CPS1: variants seen among roughly 807,000 people sequenced by gnomAD.
The protein encoded by CPS1 is carbamoyl-phosphate synthase [ammonia], mitochondrial.
A neutral mutation model predicts 174.6 loss-of-function variants in CPS1; 109 were observed. The ratio of observed to expected loss-of-function variants is 0.62; its 90% CI spans 0.53 to 0.73. CPS1 has a LOEUF of 0.73. Ranked by LOEUF, CPS1 falls within the 30% of genes least tolerant of loss-of-function variation. The pLI is 0.00. For missense variants in CPS1, 1,689 were observed against 1,821.9 expected, an observed-to-expected ratio of 0.93 and a Z score of 1.33; for synonymous variants, 637 against 632.0, an observed-to-expected ratio of 1.01 and a Z score of -0.12.
intron 1 of CPS1, among the ~76,000 whole-genome samples, chr2:210,547,090 C>T (rs1696583487): frequency 6.6e-6 from 1 of 152,024 alleles, no homozygotes; most frequent in Non-Finnish European, 1.5e-5. Context: ...ACTAGCGCTG[C>T]CCCACACCAT....
chr2:210,609,957 A>G (rs1363637508), intron 19 of CPS1, among the ~76,000 whole-genome samples: 1 of 152,012 alleles, frequency 6.6e-6, no homozygotes, highest in East Asian at 1.9e-4. Flanking sequence ...GTAAGATACT[A>G]ATGAAAGATT....
intron 21 of CPS1, among the ~76,000 whole-genome samples, chr2:210,634,969 G>GT (rs2105892297): frequency 6.6e-6 from 1 of 152,066 alleles, no homozygotes; most frequent in Admixed American, 6.5e-5. Flanking sequence ...CTTTTTTGAG[G>GT]TGGAGTCTCC....
Position 210,526,986 on chromosome 2 carries a change from G to A in CPS1, c.4-29733G>A, listed in dbSNP as rs112826830. On this transcript the variant is annotated intron_variant, in intron 1 of 38. Transcript: ENST00000430249. Reference sequence around the variant, plus strand: ...AGATTTGCAGAAATATTACGTTGGTGCAAAAATAATTGTTTTTGGCATTAA... The same window carrying A: ...AGATTTGCAGAAATATTACGTTGGTACAAAAATAATTGTTTTTGGCATTAA... 7.8e-3 allele frequency among the ~76,000 whole-genome samples: 1,191 copies of A among 151,942 alleles called. 8 individuals carry two copies. The highest frequency in any genetic ancestry group is 0.013 in the Non-Finnish European group (855 of 67,912).
intron 28 of CPS1, 150 bp from the exon 29 acceptor site, chr2:210,653,875 A>T (rs561086554): frequency 5.8e-6 from 4 of 692,432 alleles, no homozygotes; most frequent in Non-Finnish European, 1.1e-5. Flanking sequence ...TACAGCACAG[A>T]TTAGGTAATG....
chr2:210,495,763 A>G (rs1559735298), intron 1 of CPS1, among the ~76,000 whole-genome samples: 1 of 152,210 alleles, frequency 6.6e-6, no homozygotes. Context: ...AAAAGTACTC[A>G]GTAGGCAACT....
chr2:210,652,423 G>T (rs752653729), intron 28 of CPS1, among the ~76,000 whole-genome samples: 1 of 152,182 alleles, frequency 6.6e-6, no homozygotes, highest in Non-Finnish European at 1.5e-5. Context: ...ATAGCTCAGG[G>T]TAGAGATGAC....
At chr2:210,639,010 C>T in intron 22 of CPS1, 140 bp from the exon 23 acceptor site, 1 of 672,300 alleles carries the variant, frequency 1.5e-6, no homozygotes, top group South Asian at 1.8e-5. Flanking sequence ...AAAGCAATTC[C>T]ACGGGTCATA....
In CPS1 at chr2:210,590,189, G is replaced by A. The variant is rs1174421173; in HGVS notation, c.795G>A (p.Pro265=). 27 of 1,612,712 alleles carry A rather than the reference G, an allele frequency of 1.7e-5. No homozygotes were observed. The highest frequency in any genetic ancestry group is 2.2e-5 in the South Asian group (2 of 91,056). ...EYDGILIAGG[P]GNPALAEPLI... ...ATGGGATTTTGATCGCGGGAGGACC[G>A]GGGAACCCAGCTCTTGCAGAACCAC... is the stretch of plus-strand genomic sequence containing the variant. Residue 265 remains proline, a synonymous_variant, in exon 8 of 38, where the codon CCG becomes CCA. Coordinates refer to ENST00000233072, the MANE Select transcript of CPS1 (RefSeq NM_001875.5).
In CPS1 at chr2:210,658,192, A is replaced by G. The variant is rs1010178708; in HGVS notation, c.3667-407A>G. The G allele has an allele frequency of 1.9e-4, 50 of 265,140 alleles. No homozygotes were observed. The Admixed American group carries it at 2.0e-3, about 11-fold the overall frequency. 16.4% of individuals were successfully genotyped at this position (265,140 alleles called of 1,614,324 possible). A position where few individuals can be genotyped will look rare whatever the true frequency, so the allele number is the denominator to read the frequency against. ...AAAGAAATCTCTCTGGTTTCTTTGC[A>G]GTACCATGTAATTTCAGGGCCTGTA... On this transcript the variant is annotated intron_variant, in intron 30 of 37. Coordinates refer to ENST00000233072, the MANE Select transcript of CPS1 (RefSeq NM_001875.5).
intron 21 of CPS1, among the ~76,000 whole-genome samples, chr2:210,623,649 A>G (rs1699609207): frequency 6.6e-6 from 1 of 152,116 alleles, no homozygotes; most frequent in Admixed American, 6.6e-5. Flanking sequence ...AACCCTGGTG[A>G]GTTCCACTTG....
At chr2:210,630,707 ATAC>A (rs1230456656) in intron 21 of CPS1, among the ~76,000 whole-genome samples, 3 of 152,186 alleles carry the variant, frequency 2.0e-5, no homozygotes, top group African/African-American at 7.2e-5. Flanking sequence ...CTGGGTTTTT[ATAC>A]TTTGCTTTTC....
At chr2:210,540,038 A>T (rs1467331362) in intron 1 of CPS1, among the ~76,000 whole-genome samples, 1 of 152,162 alleles carries the variant, frequency 6.6e-6, no homozygotes, top group Non-Finnish European at 1.5e-5. Context: ...CGCTGATGTG[A>T]CGTCTGTGTT....
At chr2:210,585,411 C>A (rs923679995) in intron 6 of CPS1, among the ~76,000 whole-genome samples, 1 of 151,892 alleles carries the variant, frequency 6.6e-6, no homozygotes, top group East Asian at 1.9e-4. Context: ...AAAATAGGCA[C>A]GATCTATTGA....
At chr2:210,515,298 G>A (rs1433608721) in intron 1 of CPS1, among the ~76,000 whole-genome samples, 1 of 151,586 alleles carries the variant, frequency 6.6e-6, no homozygotes, top group Non-Finnish European at 1.5e-5. Flanking sequence ...TGTATGTCTG[G>A]TAGAATTTTG....
At chr2:210,579,841 C>G (rs1172808461) in intron 5 of CPS1, 71 bp downstream of exon 5, 32 of 1,214,924 alleles carry the variant, frequency 2.6e-5, no homozygotes, top group Non-Finnish European at 3.9e-5. Context: ...TGTGGTGTTT[C>G]CCTCAGTGCC....
At chr2:210,629,606 C>G (rs998880608) in intron 21 of CPS1, among the ~76,000 whole-genome samples, 4 of 151,676 alleles carry the variant, frequency 2.6e-5, no homozygotes, top group Non-Finnish European at 5.9e-5. Context: ...TGAGCCACCG[C>G]GCCCAGCCAG....
intron 1 of CPS1, among the ~76,000 whole-genome samples, chr2:210,561,180 T>G (rs1443328071): frequency 1.3e-5 from 2 of 152,150 alleles, no homozygotes; most frequent in African/African-American, 4.8e-5. Context: ...GAAAAAACTA[T>G]AGTTTAAATG....
chr2:210,658,307 C>T, intron 30 of CPS1: 1 of 364,982 alleles, frequency 2.7e-6, no homozygotes, highest in South Asian at 2.3e-5. Context: ...TTTCATTTAA[C>T]CCTCAATGTA....
chr2:210,608,510 T>G lies in CPS1; in HGVS notation c.2342T>G (p.Phe781Cys). The G allele has an allele frequency of 6.2e-7, 1 of 1,612,258 alleles. No homozygotes were observed. The change falls in exon 19 of 38, where the codon TTT (phenylalanine) becomes TGT (cysteine). Residue 781 changes from phenylalanine (F) to cysteine (C), a missense_variant. Transcript: ENST00000233072. ...ATTCCCCGCTGGGATCTTGACCGTTTTCATGGAACATCTAGCCGAATTGGT... is the reference window on the plus strand; with the variant it reads ...ATTCCCCGCTGGGATCTTGACCGTTGTCATGGAACATCTAGCCGAATTGGT... Reference protein sequence around the residue: ...TKIPRWDLDRFHGTSSRIGSS... With the variant: ...TKIPRWDLDRCHGTSSRIGSS...
Sources: gnomAD v4.1 joint callset for allele counts (sites outside exome capture counted in the v4.1 genomes callset) on GRCh38, gnomAD v4.1.1 for gene constraint, MANE v1.5 for transcripts, NCBI Gene and HGNC (gene_info 2026-07-23, HGNC 2026-07-21) for gene names.